Variants in SLCO1A2 observed in about 807,000 individuals in gnomAD.
SLCO1A2 encodes OATP-1.
Under a neutral mutation model 69.0 loss-of-function variants are expected in SLCO1A2, and 67 were observed. The ratio of observed to expected loss-of-function variants is 0.97; its 90% CI spans 0.80 to 1.19. The LOEUF (loss-of-function observed/expected upper bound fraction) is 1.19. Ranked by LOEUF, SLCO1A2 falls within the 50% of genes most tolerant of loss-of-function variation. SLCO1A2 has a pLI of 0.00. For missense variants in SLCO1A2, 787 were observed against 793.7 expected (o/e 0.99, Z 0.10); for synonymous variants, 260 against 265.9 (o/e 0.98, Z 0.22).
chr12:21,390,747 A>C (rs2137152625), intron 1 of SLCO1A2, among the ~76,000 whole-genome samples: 1 of 152,322 alleles, frequency 6.6e-6, no homozygotes. Context: ...AATAGGAGAT[A>C]TCTAAATCTT....
At chr12:21,399,834 T>A (rs1177266454), upstream of SLCO1A2, among the ~76,000 whole-genome samples, 1 of 142,376 alleles carries the variant, frequency 7.0e-6, no homozygotes, top group African/African-American at 2.6e-5. Context: ...TGTAGAAAGC[T>A]GAAACTGGAT....
intron 2 of SLCO1A2, among the ~76,000 whole-genome samples, chr12:21,332,768 A>G (rs949517864): frequency 3.9e-5 from 6 of 152,126 alleles, no homozygotes; most frequent in Non-Finnish European, 8.8e-5. Context: ...GAACCCATTC[A>G]TAAAGGCTTT....
chr12:21,270,257 C>A (rs932917124), intron 14 of SLCO1A2, among the ~76,000 whole-genome samples: 40 of 151,870 alleles, frequency 2.6e-4, no homozygotes, highest in Non-Finnish European at 5.8e-4. Context: ...AATAACTTTT[C>A]TGCTTGTAGT....
chr12:21,335,403 T>TACA (rs201888793), upstream of SLCO1A2, among the ~76,000 whole-genome samples: 8,838 of 152,088 alleles, frequency 0.058, 825 homozygotes, highest in African/African-American at 0.2. Context: ...TAGATATATG[T>TACA]GGAAATATAT....
At chr12:21,314,864 C>G (rs1044577515) in intron 3 of SLCO1A2, among the ~76,000 whole-genome samples, 183 bp from the exon 4 acceptor site, 5 of 152,156 alleles carry the variant, frequency 3.3e-5, no homozygotes, top group African/African-American at 1.2e-4. Flanking sequence ...AAGAAGGGTT[C>G]TGTTTTGCAA....
chr12:21,340,629 T>C (rs1953035998), intron 2 of SLCO1A2, among the ~76,000 whole-genome samples: 1 of 151,966 alleles, frequency 6.6e-6, no homozygotes. Flanking sequence ...TCCTTCTATT[T>C]GGAGTTTCAC....
intron 2 of SLCO1A2, among the ~76,000 whole-genome samples, chr12:21,322,430 G>A (rs1591842287): frequency 6.6e-6 from 1 of 152,226 alleles, no homozygotes; most frequent in African/African-American, 2.4e-5. Flanking sequence ...GTCAGTACAT[G>A]TAAGATTTAC....
At chr12:21,303,146 C>T (rs1025366424) in intron 6 of SLCO1A2, among the ~76,000 whole-genome samples, 14 of 152,072 alleles carry the variant, frequency 9.2e-5, no homozygotes, top group African/African-American at 2.9e-4. Context: ...TATATATACA[C>T]ACTACATATA....
rs1941903944 is a variant in SLCO1A2 at position 21,264,818 on chromosome 12, A to ATCAT, written c.*4726_*4729dup. On this transcript the variant is annotated 3_prime_UTR_variant, in exon 15 of 15. Coordinates refer to ENST00000683939, the MANE Select transcript of SLCO1A2 (RefSeq NM_001386879.1). ...AGGCCTCTGACCACAGGATCATTTG[A>ATCAT]TCATTACTAACTGTGCAGGAATATT... is the stretch of plus-strand genomic sequence containing the variant. The ATCAT allele has an allele frequency of 6.6e-6, 1 of 152,186 alleles. No homozygotes were observed. Among genetic ancestry groups the ATCAT allele is most frequent in the African/African-American group, 2.4e-5 (1 of 41,430 alleles). 9.4% of individuals were successfully genotyped at this position (152,186 alleles called of 1,614,324 possible).
chr12:21,282,464 G>C (rs1230984177), intron 12 of SLCO1A2, among the ~76,000 whole-genome samples: 1 of 151,818 alleles, frequency 6.6e-6, no homozygotes, highest in Non-Finnish European at 1.5e-5. Context: ...CCATATATGA[G>C]AGACCTATAG....
At chr12:21,318,698 C>T in intron 3 of SLCO1A2, 84 bp downstream of exon 3, 3 of 1,219,586 alleles carry the variant, frequency 2.5e-6, no homozygotes, top group African/African-American at 1.5e-5. Context: ...TGACCTAAAA[C>T]AGCAAATAAG....
chr12:21,394,392 T>C, intron 1 of SLCO1A2, among the ~76,000 whole-genome samples: 1 of 96,344 alleles, frequency 1.0e-5, no homozygotes, highest in Non-Finnish European at 2.4e-5. Context: ...CACACACACA[T>C]TAGCCAGAAG....
intron 1 of SLCO1A2, among the ~76,000 whole-genome samples, chr12:21,384,764 T>C (rs1481705575): frequency 1.3e-5 from 2 of 149,304 alleles, no homozygotes; most frequent in East Asian, 3.9e-4. Context: ...ACTTAGTTTT[T>C]TTTTCTTTTT....
chr12:21,295,560 G>T (rs779107218), intron 10 of SLCO1A2, 37 bp downstream of exon 10: 3 of 1,291,996 alleles, frequency 2.3e-6, no homozygotes, highest in South Asian at 2.5e-5. Flanking sequence ...TTAACCATTT[G>T]TTGAAAGATT....
Position 21,294,026 on chromosome 12 carries a change from A to G in SLCO1A2, c.1356T>C (p.Pro452=). 1.9e-6 allele frequency: 3 copies of G among 1,612,586 alleles called. No homozygotes were observed. The highest frequency in any genetic ancestry group is 2.5e-6 in the Non-Finnish European group (3 of 1,179,284). Residue 452 remains proline (P), a synonymous_variant, in exon 11 of 15, where the codon CCT becomes CCC. Transcript: ENST00000683939. ...ATGACAAGCCATTGTTTCCACACAC[A>G]GGATCCCATATTTTAGATGGACAGT... ...DCNCPSKIWD[P]VCGNNGLSYL... is the part of the protein sequence containing the mutation.
intron 2 of SLCO1A2, among the ~76,000 whole-genome samples, chr12:21,347,665 A>AAGAAAGG (rs1565510400): frequency 0.013 from 83 of 6,404 alleles, no homozygotes; most frequent in African/African-American, 0.024. Context: ...AAGAAGAAAG[A>AAGAAAGG]AAGAAAGGAA....
chr12:21,385,709 G>A (rs80291936), intron 1 of SLCO1A2, among the ~76,000 whole-genome samples: 5,636 of 152,250 alleles, frequency 0.037, 130 homozygotes, highest in African/African-American at 0.063. Context: ...AGGATTTAAA[G>A]CATCTATTCC....
intron 1 of SLCO1A2, among the ~76,000 whole-genome samples, chr12:21,405,787 G>A (rs1313442386): frequency 6.6e-6 from 1 of 152,136 alleles, no homozygotes. Context: ...TAAGTGGATT[G>A]ATATTTTAAA....
Position 21,269,705 on chromosome 12 carries a change from A to T in SLCO1A2, c.1856T>A (p.Ile619Asn), listed in dbSNP as rs746258246. The T allele has an allele frequency of 6.2e-7, 1 of 1,612,710 alleles. No homozygotes were observed. The highest frequency in any genetic ancestry group is 8.5e-7 in the Non-Finnish European group (1 of 1,179,024). Residue 619 changes from isoleucine (I) to asparagine (N), a missense_variant, in exon 15 of 15, where the codon ATC becomes AAC. Ile to Asn is a moderately radical substitution (Grantham distance 149). Transcript: ENST00000683939. Reference sequence around the variant, plus strand: ...ATGACACTTCCTCAAAAGAATTAAGATGATTAAGGCTGGAACAAAGCTTGA... The same window carrying T: ...ATGACACTTCCTCAAAAGAATTAAGTTGATTAAGGCTGGAACAAAGCTTGA... ...RGSSFVPALI[I>N]LILLRKCHLP... is the part of the protein sequence containing the mutation.
Sources: gnomAD v4.1 joint callset for allele counts (sites outside exome capture counted in the v4.1 genomes callset) on GRCh38, gnomAD v4.1.1 for gene constraint, MANE v1.5 for transcripts, NCBI Gene and HGNC (gene_info 2026-07-23, HGNC 2026-07-21) for gene names.